BMPR1B: variants seen among roughly 807,000 people sequenced by gnomAD.
BMPR1B encodes bone morphogenetic protein receptor type 1B, also known as bone morphogenetic protein receptor type-1B.
BMPR1B carries 12 observed loss-of-function variants against 59.1 expected under a neutral mutation model. The ratio of observed to expected loss-of-function variants is 0.20; its 90% CI spans 0.13 to 0.33. The LOEUF (loss-of-function observed/expected upper bound fraction) is 0.33. Among genes scored for constraint, BMPR1B ranks in the 10% least tolerant of loss-of-function variants. The probability of loss-of-function intolerance (pLI) is 1.00; values close to 1 mark genes in which losing one functional copy is unlikely to be tolerated. For missense variants in BMPR1B, 550 were observed against 610.9 expected (o/e 0.90, Z 1.05); for synonymous variants, 237 against 207.3 (o/e 1.14, Z -1.23).
intron 1 of BMPR1B, among the ~76,000 whole-genome samples, chr4:94,762,270 TAG>T (rs781578707): frequency 1.3e-5 from 2 of 152,172 alleles, no homozygotes; most frequent in African/African-American, 2.4e-5. Flanking sequence ...ATTGAACTTG[TAG>T]AGAGTGAAAA....
chr4:95,054,937 C>G (rs1217703965), intron 3 of BMPR1B, among the ~76,000 whole-genome samples: 1 of 152,106 alleles, frequency 6.6e-6, no homozygotes, highest in Non-Finnish European at 1.5e-5. Flanking sequence ...GTGAAAATGT[C>G]TATAATTTTT....
chr4:95,137,106 T>C (rs1056765859), intron 10 of BMPR1B, among the ~76,000 whole-genome samples: 1 of 152,174 alleles, frequency 6.6e-6, no homozygotes, highest in African/African-American at 2.4e-5. Context: ...TTCTGGTATG[T>C]TTGTGTCTTT....
At chr4:94,978,406 G>A (rs1463698334) in intron 2 of BMPR1B, among the ~76,000 whole-genome samples, 1 of 152,204 alleles carries the variant, frequency 6.6e-6, no homozygotes, top group Non-Finnish European at 1.5e-5. Flanking sequence ...TGCTGTCCAG[G>A]CATCTCTTTA....
chr4:94,784,067 G>T (rs1439457168), intron 1 of BMPR1B, among the ~76,000 whole-genome samples: 2 of 152,100 alleles, frequency 1.3e-5, no homozygotes, highest in Non-Finnish European at 2.9e-5. Context: ...AATGTTTCTT[G>T]ATCTGCTTCT....
chr4:94,784,436 T>G (rs1003382658), intron 1 of BMPR1B, among the ~76,000 whole-genome samples: 1 of 152,224 alleles, frequency 6.6e-6, no homozygotes, highest in Admixed American at 6.5e-5. Flanking sequence ...TTATTTGTTA[T>G]GAGTTTTCAG....
chr4:95,016,772 A>G (rs1006034000), intron 3 of BMPR1B, among the ~76,000 whole-genome samples: 1 of 152,208 alleles, frequency 6.6e-6, no homozygotes, highest in East Asian at 1.9e-4. Context: ...AATTTAGCTA[A>G]CATGCAATTA....
chr4:94,919,777 C>T (rs1226639298), intron 2 of BMPR1B, among the ~76,000 whole-genome samples: 1 of 151,982 alleles, frequency 6.6e-6, no homozygotes, highest in Non-Finnish European at 1.5e-5. Flanking sequence ...TGGGGAACTA[C>T]CAAGAAAAAT....
chr4:94,877,037 G>T (rs1455230821), intron 2 of BMPR1B, among the ~76,000 whole-genome samples: 1 of 152,144 alleles, frequency 6.6e-6, no homozygotes, highest in African/African-American at 2.4e-5. Context: ...TCCTTTCGGG[G>T]CTATAAATAC....
chr4:94,798,500 C>G (rs1380992164), intron 1 of BMPR1B, among the ~76,000 whole-genome samples: 2 of 152,210 alleles, frequency 1.3e-5, no homozygotes, highest in Admixed American at 1.3e-4. Context: ...ACCACCACAT[C>G]ATCACCACCC....
chr4:94,851,758 A>G (rs1040100943), intron 1 of BMPR1B, among the ~76,000 whole-genome samples: 2 of 152,156 alleles, frequency 1.3e-5, no homozygotes, highest in Admixed American at 1.3e-4. Flanking sequence ...TGAGATCATT[A>G]TAAAGCGTAT....
rs544742109 is a variant in BMPR1B at position 95,015,937 on chromosome 4, C to T, written c.-18+19803C>T. On this transcript the variant is annotated intron_variant, in intron 3 of 12. Coordinates refer to ENST00000515059, the MANE Select transcript of BMPR1B (RefSeq NM_001203.3). The stretch of plus-strand genomic sequence containing the variant: ...TGATCTCTTGACCTTATGATCCGCC[C>T]GCCTTGGCTTCCCAAAGTGTTGGGA... 1.5e-4 allele frequency among the ~76,000 whole-genome samples: 23 copies of T among 152,292 alleles called. No homozygotes were observed. The South Asian group carries it at 1.9e-3, about 12-fold the overall frequency.
intron 1 of BMPR1B, among the ~76,000 whole-genome samples, chr4:94,874,065 T>C (rs922434932): frequency 6.6e-6 from 1 of 152,234 alleles, no homozygotes; most frequent in Admixed American, 6.5e-5. Flanking sequence ...GCATGATGTC[T>C]TCAAGGTTCA....
intron 2 of BMPR1B, among the ~76,000 whole-genome samples, chr4:94,959,093 A>G (rs1426795870): frequency 2.6e-5 from 4 of 152,136 alleles, no homozygotes; most frequent in African/African-American, 4.8e-5. Flanking sequence ...GAAAGCCACG[A>G]AAAGGTGTTT....
intron 3 of BMPR1B, among the ~76,000 whole-genome samples, chr4:95,069,988 A>G (rs1728152576): frequency 6.6e-6 from 1 of 152,188 alleles, no homozygotes; most frequent in South Asian, 2.1e-4. Flanking sequence ...AATCCCAGCT[A>G]CTTGGGAGGC....
rs1173918093 is a variant in BMPR1B at position 95,138,943 on chromosome 4, G to A, written c.1076+7431G>A. On this transcript the variant is annotated intron_variant, in intron 10 of 12. Transcript: ENST00000515059. ...TCAAAGTCATTCTCCGTGCAGCTTT[G>A]TTCCATTGCTGGTGAGGAGCTCCCT... 4.6e-5 allele frequency among the ~76,000 whole-genome samples: 7 copies of A among 152,304 alleles called. 1 individual carries two copies. Among genetic ancestry groups the A allele is most frequent in the Admixed American group, 4.6e-4 (7 of 15,302 alleles).
intron 2 of BMPR1B, among the ~76,000 whole-genome samples, chr4:94,943,350 G>A (rs1360345159): frequency 6.6e-6 from 1 of 152,084 alleles, no homozygotes; most frequent in Non-Finnish European, 1.5e-5. Flanking sequence ...TATTGGTCAG[G>A]CTGGTCTCGA....
intron 2 of BMPR1B, among the ~76,000 whole-genome samples, chr4:94,940,403 G>A (rs1729465090): frequency 6.6e-6 from 1 of 152,148 alleles, no homozygotes; most frequent in Admixed American, 6.5e-5. Context: ...GTGTGGCCTA[G>A]GGAAGCCAAA....
chr4:94,837,873 G>C lies in BMPR1B; in HGVS notation c.-182-37958G>C, dbSNP rs577170047. On this transcript the variant is annotated intron_variant, in intron 1 of 12. Transcript: ENST00000515059. ...GGAATGCTTCCAGTTTTTGCCCATTGAGTATGATATTGTCTGTGGGTTTGT... is the reference window on the plus strand; with the variant it reads ...GGAATGCTTCCAGTTTTTGCCCATTCAGTATGATATTGTCTGTGGGTTTGT... Among the ~76,000 whole-genome samples the C allele has an allele frequency of 5.6e-4, 80 of 143,086 alleles. 3 individuals are homozygous for C. The highest frequency in any genetic ancestry group is 1.3e-3 in the African/African-American group (49 of 38,034). 93.9% of individuals were successfully genotyped at this position (143,086 alleles called of 152,430 possible). A position where few individuals can be genotyped will look rare whatever the true frequency, so the allele number is the denominator to read the frequency against.
intron 1 of BMPR1B, among the ~76,000 whole-genome samples, chr4:94,775,119 G>A (rs941613635): frequency 2.6e-5 from 4 of 152,166 alleles, no homozygotes; most frequent in African/African-American, 9.7e-5. Flanking sequence ...CCCACTCAGT[G>A]TCCTCATCTG....
Sources: gnomAD v4.1 joint callset for allele counts (sites outside exome capture counted in the v4.1 genomes callset) on GRCh38, gnomAD v4.1.1 for gene constraint, MANE v1.5 for transcripts, NCBI Gene and HGNC (gene_info 2026-07-23, HGNC 2026-07-21) for gene names.